The following NFX1 variants were observed in gnomAD, a reference collection of about 807,000 sequenced individuals.
NFX1 encodes the protein nuclear transcription factor, X-box binding 1, also known as transcriptional repressor NF-X1.
Under a neutral mutation model 137.2 loss-of-function variants are expected in NFX1, and 69 were observed. That is an observed-to-expected ratio of 0.50 (90% confidence interval 0.41 to 0.61). The LOEUF (loss-of-function observed/expected upper bound fraction) is 0.61, where lower values mean the gene tolerates loss of function less well. Ranked by LOEUF, NFX1 falls within the 20% of genes least tolerant of loss-of-function variation. NFX1 has a pLI of 0.00. For synonymous variants in NFX1, 495 were observed against 474.1 expected (o/e 1.04, Z -0.57); for missense variants, 1,167 against 1,391.0 (o/e 0.84, Z 2.56).
Position 33,295,059 on chromosome 9 carries a change from C to T in NFX1, c.665C>T (p.Ser222Phe). The change falls in exon 2 of 24, where the codon TCC becomes TTC. Residue 222 changes from serine to phenylalanine, a missense_variant. This residue lies in a region of NFX1 where 367 missense variants were observed against 386.7 expected (regional missense o/e 0.95). Transcript: ENST00000379540. ...GVFHPDSSEA[S>F]SRKGVLDGYG... ...TTCCACCCTGACTCTTCAGAGGCAT[C>T]CTCTAGAAAAGGAGTATTGGATGGG... is the stretch of plus-strand genomic sequence containing the variant. 4 of 1,614,086 alleles carry T rather than the reference C, an allele frequency of 2.5e-6. No homozygotes were observed. Among genetic ancestry groups the T allele is most frequent in the Non-Finnish European group, 3.4e-6 (4 of 1,180,006 alleles).
chr9:33,300,815 G>A (rs1821534176), intron 2 of NFX1, among the ~76,000 whole-genome samples: 2 of 152,232 alleles, frequency 1.3e-5, no homozygotes, highest in South Asian at 4.1e-4. Context: ...CACCACTCAT[G>A]GGTTGTTGGA....
At chr9:33,358,440 T>A (rs568819103) in intron 19 of NFX1, among the ~76,000 whole-genome samples, 124 of 152,078 alleles carry the variant, frequency 8.2e-4, no homozygotes, top group Middle Eastern at 3.4e-3. Context: ...TAATTTTTTT[T>A]AAATTATTAT....
chr9:33,328,986 G>A (rs547720023), intron 10 of NFX1, among the ~76,000 whole-genome samples: 1 of 152,176 alleles, frequency 6.6e-6, no homozygotes, highest in Non-Finnish European at 1.5e-5. Flanking sequence ...TGAAAGTTCA[G>A]TGGTCCCTAA....
In NFX1 at chr9:33,336,276, C is replaced by T. The variant is rs901625411; in HGVS notation, c.2036-2234C>T. ...TGTTGCCCAGGCTGGAGTGCTGTGG[C>T]GCTATCTCAGCTCACTGCAAACTCC... On this transcript the variant is annotated intron_variant, in intron 11 of 23. Coordinates refer to ENST00000379540, the MANE Select transcript of NFX1 (RefSeq NM_002504.6). Among the ~76,000 whole-genome samples the T allele has an allele frequency of 3.9e-5, 6 of 152,190 alleles. No homozygotes were observed. The East Asian group carries it at 7.7e-4, about 20-fold the overall frequency.
chr9:33,343,607 G>A lies in NFX1; in HGVS notation c.2225-462G>A, dbSNP rs370264173. On this transcript the variant is annotated intron_variant, in intron 13 of 23. Coordinates refer to ENST00000379540, the MANE Select transcript of NFX1 (RefSeq NM_002504.6). ...CTCATTTTAGAAAGGACTTGACTCG[G>A]TGTTTTTATTCTCTGTCACAAAAAT... Among the ~76,000 whole-genome samples the A allele has an allele frequency of 1.2e-4, 19 of 152,264 alleles. No homozygotes were observed. The South Asian group carries it at 3.9e-3, about 32-fold the overall frequency.
At chr9:33,338,903 T>G (rs1253435435) in intron 12 of NFX1, among the ~76,000 whole-genome samples, 1 of 152,196 alleles carries the variant, frequency 6.6e-6, no homozygotes, top group Non-Finnish European at 1.5e-5. Flanking sequence ...GGCAGAAGAT[T>G]GTGTGTTGTC....
At chr9:33,305,365 A>G (rs186619775) in intron 4 of NFX1, among the ~76,000 whole-genome samples, 120 of 152,358 alleles carry the variant, frequency 7.9e-4, no homozygotes, top group Non-Finnish European at 8.8e-5. Context: ...TAGGCAGTTC[A>G]AAATCAACAG....
At chr9:33,321,991 A>T (rs1822402299) in intron 9 of NFX1, among the ~76,000 whole-genome samples, 1 of 152,070 alleles carries the variant, frequency 6.6e-6, no homozygotes, top group Non-Finnish European at 1.5e-5. Context: ...ACTTGAGGTC[A>T]GGAGTTCAGG....
chr9:33,360,734 G>C (rs561161676), intron 19 of NFX1, among the ~76,000 whole-genome samples: 124 of 152,158 alleles, frequency 8.1e-4, no homozygotes, highest in Non-Finnish European at 1.4e-3. Context: ...GGTTTTATTG[G>C]TGTTTAAATT....
chr9:33,300,798 G>A (rs1821533098), intron 2 of NFX1, among the ~76,000 whole-genome samples: 1 of 152,244 alleles, frequency 6.6e-6, no homozygotes. Context: ...AACGGCTAGA[G>A]CCATCTCACC....
At chr9:33,345,266 C>T (rs981322450) in intron 14 of NFX1, among the ~76,000 whole-genome samples, 3 of 152,102 alleles carry the variant, frequency 2.0e-5, no homozygotes, top group African/African-American at 7.2e-5. Flanking sequence ...CACCTGAGGT[C>T]AGGAGGTTGA....
intron 13 of NFX1, among the ~76,000 whole-genome samples, chr9:33,343,790 T>C (rs1564135965): frequency 2.0e-5 from 3 of 152,222 alleles, no homozygotes; most frequent in African/African-American, 7.2e-5. Flanking sequence ...CAGTCATTAA[T>C]ATAATCTCCA....
chr9:33,301,612 C>G (rs1266977738), intron 3 of NFX1, among the ~76,000 whole-genome samples, 191 bp downstream of exon 3: 6 of 152,088 alleles, frequency 3.9e-5, no homozygotes, highest in Non-Finnish European at 7.4e-5. Context: ...AGCTAAACAA[C>G]AATATTAAAA....
intron 15 of NFX1, among the ~76,000 whole-genome samples, chr9:33,350,187 C>T (rs1257465853): frequency 1.3e-5 from 2 of 151,852 alleles, no homozygotes; most frequent in Admixed American, 6.6e-5. Context: ...ACCTGTAGTC[C>T]CAGCTACTTG....
In NFX1 at chr9:33,338,541, CAAG is replaced by C; in HGVS notation, c.2070_2072del (p.Lys691del). The C allele has an allele frequency of 1.2e-6, 2 of 1,603,318 alleles. No homozygotes were observed. The highest frequency in any genetic ancestry group is 1.7e-6 in the Non-Finnish European group (2 of 1,177,028). On this transcript the variant is annotated inframe_deletion, in exon 12 of 24. Transcript: ENST00000379540. ...CATTTATGTGTGACAAGCGGTGTAA[CAAG>C]AAACGGTTGTGTGGACGGCATAAAT...
At chr9:33,364,328 G>C (rs1824105308) in intron 20 of NFX1, among the ~76,000 whole-genome samples, 1 of 152,204 alleles carries the variant, frequency 6.6e-6, no homozygotes, top group South Asian at 2.1e-4. Flanking sequence ...TGAGATAAGA[G>C]TTTGGGTGGG....
In NFX1 at chr9:33,294,704, C is replaced by G. The variant is rs1215531069; in HGVS notation, c.310C>G (p.Gln104Glu). ...GCCCAAGAGCCATGGCCTTCAGAAT[C>G]AACCTTGGCAGAAATTGAGGAATGA... ...KSPKSHGLQNQPWQKLRNEKH... is the reference protein window; with the variant it reads ...KSPKSHGLQNEPWQKLRNEKH... Residue 104 changes from glutamine to glutamate, a missense_variant, in exon 2 of 24, where the codon CAA becomes GAA. Physicochemically the swap from Gln to Glu is conservative, Grantham distance 29. This residue lies in a region of NFX1 where 367 missense variants were observed against 386.7 expected (regional missense o/e 0.95). Coordinates refer to ENST00000379540, the MANE Select transcript of NFX1 (RefSeq NM_002504.6). The G allele has an allele frequency of 6.2e-7, 1 of 1,614,130 alleles. No individual in the cohort carries two copies. The highest frequency in any genetic ancestry group is 1.1e-5 in the South Asian group (1 of 91,072).
intron 19 of NFX1, 63 bp downstream of exon 19, chr9:33,354,955 G>A (rs1823763440): frequency 6.6e-7 from 1 of 1,518,136 alleles, no homozygotes; most frequent in Non-Finnish European, 9.1e-7. Context: ...TTAATGGGAG[G>A]GAGCAACCCT....
chr9:33,307,807 T>C (rs1029742460), intron 5 of NFX1, among the ~76,000 whole-genome samples: 1 of 146,960 alleles, frequency 6.8e-6, no homozygotes, highest in African/African-American at 2.5e-5. Flanking sequence ...TTTTTTTTTT[T>C]TTTTTTTTGA....
Sources: gnomAD v4.1 joint callset for allele counts (sites outside exome capture counted in the v4.1 genomes callset) on GRCh38, gnomAD v4.1.1 for gene constraint, gnomAD v4.1.1 regional missense constraint, MANE v1.5 for transcripts, NCBI Gene and HGNC (gene_info 2026-07-23, HGNC 2026-07-21) for gene names.